The following PCBP3 variants were observed in gnomAD, a reference collection of about 807,000 sequenced individuals.
The protein encoded by PCBP3 is poly(rC)-binding protein 3.
PCBP3 carries 25 observed loss-of-function variants against 52.7 expected under a neutral mutation model. The observed-to-expected ratio is 0.47, with a 90% CI of 0.35 to 0.66. The LOEUF (loss-of-function observed/expected upper bound fraction) is 0.66. PCBP3 is among the 30% of genes least tolerant of loss of function. PCBP3 has a pLI of 0.01. For synonymous variants in PCBP3, 162 were observed against 183.0 expected, an observed-to-expected ratio of 0.89 and a Z score of 0.93; for missense variants, 391 against 490.3, an observed-to-expected ratio of 0.80 and a Z score of 1.91.
intron 4 of PCBP3, among the ~76,000 whole-genome samples, chr21:45,784,548 T>C (rs1225351330): frequency 6.6e-6 from 1 of 152,162 alleles, no homozygotes; most frequent in Admixed American, 6.5e-5. Context: ...CTCGGCTCAC[T>C]GCAACCTCCC....
Position 45,940,255 on chromosome 21 carries a change from C to T in PCBP3, c.1079+56C>T, listed in dbSNP as rs1180788208. The T allele has an allele frequency of 8.0e-6, 12 of 1,499,346 alleles. No homozygotes were observed. The East Asian group carries it at 9.1e-5, about 11-fold the overall frequency. The allele number at this position is 1,499,346 out of a possible 1,614,324, so 92.9% of individuals were successfully genotyped here. A position where few individuals can be genotyped will look rare whatever the true frequency, so the allele number is the denominator to read the frequency against. The stretch of plus-strand genomic sequence containing the variant: ...GCCCGGAAAGGGACGCGCCAGCCGG[C>T]GTTACATCACCTGGACGGTCGGGGG... On this transcript the variant is annotated intron_variant, in intron 17 of 17. Coordinates refer to ENST00000681687, the MANE Select transcript of PCBP3 (RefSeq NM_001384156.1).
At chr21:45,703,452 A>T (rs899745089) in intron 2 of PCBP3, among the ~76,000 whole-genome samples, 2 of 152,198 alleles carry the variant, frequency 1.3e-5, no homozygotes, top group African/African-American at 2.4e-5. Flanking sequence ...GCACATCTCC[A>T]TCAGAGCTCT....
intron 2 of PCBP3, among the ~76,000 whole-genome samples, chr21:45,684,743 T>G (rs941774503): frequency 6.6e-6 from 1 of 152,198 alleles, no homozygotes; most frequent in Non-Finnish European, 1.5e-5. Flanking sequence ...AAAACACCTC[T>G]TTTCTTCATA....
chr21:45,665,378 G>A lies in PCBP3; in HGVS notation c.-278-3496G>A, dbSNP rs577116602. Among the ~76,000 whole-genome samples, 108 of 152,026 alleles carry A rather than the reference G, an allele frequency of 7.1e-4. 1 individual carries two copies. Among genetic ancestry groups the A allele is most frequent in the African/African-American group, 2.3e-3 (96 of 41,464 alleles). On this transcript the variant is annotated intron_variant, in intron 1 of 17. Transcript: ENST00000681687. ...AGCCTTGATCACACCATTGCACCCC[G>A]GCCTATGTCACAGAGTGAGATCCCA...
At position 45,800,782 on chromosome 21, in the gene PCBP3, G is replaced by T. The variant is rs1436626821; in HGVS notation, c.-126+45330G>T. 2.0e-5 allele frequency among the ~76,000 whole-genome samples: 3 copies of T among 152,230 alleles called. No homozygotes were observed. Among genetic ancestry groups the T allele is most frequent in the South Asian group, 4.1e-4 (2 of 4,832 alleles). ...GATGTCTTTCCCTGACCTCGTTTGT[G>T]TGGCCCTGGTGCCCAATGACTGACT... is the stretch of plus-strand genomic sequence containing the variant. On this transcript the variant is annotated intron_variant, in intron 4 of 17. Coordinates refer to ENST00000681687, the MANE Select transcript of PCBP3 (RefSeq NM_001384156.1). This position sits in a 1 kb window ranked among gnomAD's most constrained non-coding sequence, Gnocchi z 5.3.
intron 4 of PCBP3, among the ~76,000 whole-genome samples, chr21:45,783,610 G>A (rs1301001610): frequency 2.6e-5 from 4 of 152,168 alleles, no homozygotes; most frequent in East Asian, 1.9e-4. Flanking sequence ...GGGTGAGGAC[G>A]GGATTTTAAC....
chr21:45,919,845 G>A (rs919128889), intron 13 of PCBP3, among the ~76,000 whole-genome samples: 6 of 151,404 alleles, frequency 4.0e-5, no homozygotes, highest in Admixed American at 1.3e-4. Flanking sequence ...GTGCGCGCGC[G>A]CGTGCGCGTC....
chr21:45,711,281 T>C (rs1034144642), intron 2 of PCBP3, among the ~76,000 whole-genome samples: 4 of 152,252 alleles, frequency 2.6e-5, no homozygotes, highest in African/African-American at 9.6e-5. Context: ...TCTATAGATA[T>C]TTCTATATGT....
At chr21:45,712,586 C>G (rs1359601559) in intron 2 of PCBP3, among the ~76,000 whole-genome samples, 1 of 152,148 alleles carries the variant, frequency 6.6e-6, no homozygotes, top group Non-Finnish European at 1.5e-5. Flanking sequence ...GTCTCCGAAT[C>G]TTTACTGACA....
intron 1 of PCBP3, among the ~76,000 whole-genome samples, chr21:45,652,291 A>G (rs2079735880): frequency 6.6e-6 from 1 of 152,190 alleles, no homozygotes; most frequent in African/African-American, 2.4e-5. Context: ...CCCTAAAGTA[A>G]TGGATGTTTG....
chr21:45,841,057 G>A (rs979477350), intron 4 of PCBP3, among the ~76,000 whole-genome samples: 1 of 152,182 alleles, frequency 6.6e-6, no homozygotes, highest in African/African-American at 2.4e-5. Flanking sequence ...TGTAGCCTAG[G>A]AGCAATAGGC....
intron 1 of PCBP3, among the ~76,000 whole-genome samples, chr21:45,660,699 G>A (rs1187102725): frequency 6.6e-6 from 1 of 152,084 alleles, no homozygotes; most frequent in Non-Finnish European, 1.5e-5. Flanking sequence ...CTTTGCTTCT[G>A]TATATCTCCA....
chr21:45,874,537 C>G lies in PCBP3; in HGVS notation c.11-21671C>G, dbSNP rs141943149. 3.0e-3 allele frequency among the ~76,000 whole-genome samples: 429 copies of G among 142,784 alleles called. 3 individuals carry two copies. The highest frequency in any genetic ancestry group is 0.011 in the African/African-American group (416 of 38,018). The allele number at this position is 142,784 out of a possible 152,430, so 93.7% of individuals were successfully genotyped here. A position where few individuals can be genotyped will look rare whatever the true frequency, so the allele number is the denominator to read the frequency against. On this transcript the variant is annotated intron_variant, in intron 5 of 17. Coordinates refer to ENST00000681687, the MANE Select transcript of PCBP3 (RefSeq NM_001384156.1). ...TTTTTTTTTTTGAGACAGAGTCTTG[C>G]TCTGTCGTCCCGGGCTGGAGTGCAG...
chr21:45,806,890 G>A (rs1022589647), intron 4 of PCBP3, among the ~76,000 whole-genome samples: 3 of 152,124 alleles, frequency 2.0e-5, no homozygotes, highest in African/African-American at 7.2e-5. Flanking sequence ...CAGATGCTCC[G>A]AGCTCCTTGT....
chr21:45,896,934 T>C (rs1013273032), intron 6 of PCBP3, among the ~76,000 whole-genome samples: 28 of 107,278 alleles, frequency 2.6e-4, no homozygotes, highest in African/African-American at 1.2e-3. Flanking sequence ...AAGGCGGACA[T>C]GGCACATAGA....
intron 4 of PCBP3, among the ~76,000 whole-genome samples, chr21:45,822,601 A>G (rs1242728771): frequency 1.4e-5 from 2 of 144,486 alleles, no homozygotes; most frequent in African/African-American, 5.7e-5. Context: ...GGGCGGACCC[A>G]GCACAGGATA....
At chr21:45,790,768 C>T (rs2091484586) in intron 4 of PCBP3, among the ~76,000 whole-genome samples, 1 of 152,064 alleles carries the variant, frequency 6.6e-6, no homozygotes, top group African/African-American at 2.4e-5. Context: ...GCCACCAGAG[C>T]TCACACAGGT....
intron 4 of PCBP3, among the ~76,000 whole-genome samples, chr21:45,808,133 A>G (rs2092568916): frequency 6.6e-6 from 1 of 152,240 alleles, no homozygotes; most frequent in South Asian, 2.1e-4. Flanking sequence ...GGACATAGGC[A>G]TGGGCAAAGA....
chr21:45,657,001 T>G (rs899028526), intron 1 of PCBP3, among the ~76,000 whole-genome samples: 4 of 152,120 alleles, frequency 2.6e-5, no homozygotes, highest in African/African-American at 9.7e-5. Flanking sequence ...TTTTGTATTT[T>G]TAGTAGAGAC....
Sources: gnomAD v4.1 joint callset for allele counts (sites outside exome capture counted in the v4.1 genomes callset) on GRCh38, gnomAD v4.1.1 for gene constraint, Gnocchi (gnomAD v3.1) non-coding constraint, MANE v1.5 for transcripts, NCBI Gene and HGNC (gene_info 2026-07-23, HGNC 2026-07-21) for gene names.